Variants in GLIS3 observed in about 807,000 individuals in gnomAD.
GLIS3 encodes GLIS family zinc finger 3, also known as zinc finger protein GLIS3.
A neutral mutation model predicts 78.6 loss-of-function variants in GLIS3; 53 were observed. The ratio of observed to expected loss-of-function variants is 0.67; its 90% CI spans 0.54 to 0.85. The LOEUF is 0.85. GLIS3 is among the 40% of genes least tolerant of loss of function. The pLI is 0.00. For synonymous variants in GLIS3, 684 were observed against 509.9 expected, an observed-to-expected ratio of 1.34 and a Z score of -4.60; for missense variants, 1,703 against 1,231.1, an observed-to-expected ratio of 1.38 and a Z score of -5.74.
chr9:4,013,682 C>T (rs1428627412), intron 4 of GLIS3, among the ~76,000 whole-genome samples: 1 of 152,106 alleles, frequency 6.6e-6, no homozygotes, highest in Non-Finnish European at 1.5e-5. Context: ...ACTAGGCCAC[C>T]TTTTCTTCAC....
At chr9:4,214,715 C>T (rs1820670030) in intron 2 of GLIS3, among the ~76,000 whole-genome samples, 1 of 152,216 alleles carries the variant, frequency 6.6e-6, no homozygotes, top group Non-Finnish European at 1.5e-5. Context: ...AAGGTTATTT[C>T]ACAATTTCAC....
chr9:4,231,795 T>C (rs762792888), intron 2 of GLIS3, among the ~76,000 whole-genome samples: 1 of 152,206 alleles, frequency 6.6e-6, no homozygotes, highest in Non-Finnish European at 1.5e-5. Flanking sequence ...TTTACCAATG[T>C]AAACAATGGT....
chr9:3,860,566 G>T (rs550458825), intron 8 of GLIS3, among the ~76,000 whole-genome samples: 1 of 152,202 alleles, frequency 6.6e-6, no homozygotes, highest in Admixed American at 6.5e-5. Context: ...GAGACACTGA[G>T]AACTGCTTAG....
At chr9:4,429,379 G>A in the GLIS3 span, among the ~76,000 whole-genome samples, 77 of 151,942 alleles carry the variant, frequency 5.1e-4, no homozygotes, top group Non-Finnish European at 7.9e-4. Context: ...AGTGCCTTGT[G>A]TTTTCTATGT....
At chr9:4,251,897 G>GAA (rs1377975251) in intron 2 of GLIS3, among the ~76,000 whole-genome samples, 1 of 152,164 alleles carries the variant, frequency 6.6e-6, no homozygotes, top group East Asian at 1.9e-4. Flanking sequence ...ATTCTGGGTT[G>GAA]AAAATTCTTT....
At chr9:4,336,610 A>G (rs1817760943) in intron 2 of GLIS3, among the ~76,000 whole-genome samples, 1 of 152,192 alleles carries the variant, frequency 6.6e-6, no homozygotes. Flanking sequence ...AAAACAACAA[A>G]ACCAAGACTG....
intron 2 of GLIS3, among the ~76,000 whole-genome samples, chr9:4,338,754 G>C (rs920746622): frequency 6.6e-6 from 1 of 152,164 alleles, no homozygotes; most frequent in Non-Finnish European, 1.5e-5. Flanking sequence ...GTAGAAAGTA[G>C]AGGAACCAAA....
intron 9 of GLIS3, among the ~76,000 whole-genome samples, chr9:3,841,269 T>G (rs898489546): frequency 6.6e-6 from 1 of 152,192 alleles, no homozygotes; most frequent in African/African-American, 2.4e-5. Flanking sequence ...TATACAGTTA[T>G]AGTAAAATGG....
chr9:4,078,663 C>A (rs1179356429), intron 4 of GLIS3, among the ~76,000 whole-genome samples: 1 of 152,186 alleles, frequency 6.6e-6, no homozygotes, highest in African/African-American at 2.4e-5. Flanking sequence ...TGCTGCCATT[C>A]CTGCTGTTAG....
intron 6 of GLIS3, among the ~76,000 whole-genome samples, chr9:3,919,677 AT>A (rs1824745695): frequency 6.6e-6 from 1 of 151,690 alleles, no homozygotes; most frequent in Non-Finnish European, 1.5e-5. Flanking sequence ...ATAAAAAAAA[AT>A]AATAAAATGA....
intron 7 of GLIS3, among the ~76,000 whole-genome samples, chr9:3,885,722 C>T (rs865883346): frequency 6.6e-6 from 1 of 152,152 alleles, no homozygotes; most frequent in Non-Finnish European, 1.5e-5. Context: ...GTCTCTCTCC[C>T]TGGAGAATTT....
intron 4 of GLIS3, among the ~76,000 whole-genome samples, chr9:4,004,443 G>A (rs589188): frequency 0.041 from 6,274 of 152,216 alleles, 433 homozygotes; most frequent in African/African-American, 0.14. Flanking sequence ...GCTGGGGAAC[G>A]AGTTAACAGC....
chr9:4,363,724 C>T, the GLIS3 span, among the ~76,000 whole-genome samples: 2 of 152,316 alleles, frequency 1.3e-5, no homozygotes, highest in Admixed American at 6.5e-5. Flanking sequence ...TGGTTCACGT[C>T]TTTGCTCTAC....
chr9:4,096,580 G>A (rs892462187), intron 4 of GLIS3, among the ~76,000 whole-genome samples: 10 of 152,114 alleles, frequency 6.6e-5, no homozygotes, highest in Non-Finnish European at 1.5e-4. Flanking sequence ...CATTTAATCC[G>A]AATTTACTCC....
chr9:3,993,216 G>A (rs777031715), intron 4 of GLIS3, among the ~76,000 whole-genome samples: 3 of 152,106 alleles, frequency 2.0e-5, no homozygotes, highest in Non-Finnish European at 4.4e-5. Flanking sequence ...ACCTGACTCT[G>A]CCATTGCCTC....
intron 2 of GLIS3, among the ~76,000 whole-genome samples, chr9:4,341,851 A>C (rs916493803): frequency 6.6e-6 from 1 of 152,156 alleles, no homozygotes; most frequent in East Asian, 1.9e-4. Flanking sequence ...ATTAAATCTC[A>C]TAACAGTTAA....
chr9:4,366,058 C>A, the GLIS3 span, among the ~76,000 whole-genome samples: 135,945 of 152,206 alleles, frequency 0.89, 61,046 homozygotes, highest in East Asian at 1. Context: ...TGGTGAACTT[C>A]GGACTGATTT....
intron 2 of GLIS3, among the ~76,000 whole-genome samples, chr9:4,321,288 G>A (rs1229642583): frequency 3.1e-5 from 4 of 129,786 alleles, no homozygotes. Context: ...CGGGAGTGGT[G>A]GCGGGCGCCT....
intron 8 of GLIS3, among the ~76,000 whole-genome samples, chr9:3,857,606 C>T (rs114315412): frequency 5.5e-4 from 84 of 152,276 alleles, no homozygotes; most frequent in African/African-American, 1.9e-3. Flanking sequence ...GAAAAGAAGT[C>T]AAGGCGAGGA....
Sources: gnomAD v4.1 joint callset for allele counts (sites outside exome capture counted in the v4.1 genomes callset) on GRCh38, gnomAD v4.1.1 for gene constraint, MANE v1.5 for transcripts, NCBI Gene and HGNC (gene_info 2026-07-23, HGNC 2026-07-21) for gene names.